The following MRAP2 variants were observed in gnomAD, a reference collection of about 807,000 sequenced individuals.
MRAP2 encodes the protein melanocortin 2 receptor accessory protein 2.
MRAP2 carries 20 observed loss-of-function variants against 17.4 expected under a neutral mutation model. The ratio of observed to expected loss-of-function variants is 1.15; its 90% confidence interval spans 0.81 to 1.67. The LOEUF is 1.67. Among genes scored for constraint, MRAP2 ranks in the 40% most tolerant of loss-of-function variants. The pLI is 0.00. For synonymous variants in MRAP2, 96 were observed against 88.4 expected (o/e 1.09, Z -0.48); for missense variants, 238 against 240.0 (o/e 0.99, Z 0.05).
chr6:84,047,517 A>G (rs1158899357), intron 1 of MRAP2, among the ~76,000 whole-genome samples: 1 of 152,058 alleles, frequency 6.6e-6, no homozygotes, highest in Non-Finnish European at 1.5e-5. Context: ...TATAAACAAT[A>G]TTAGAACTTT....
intron 1 of MRAP2, among the ~76,000 whole-genome samples, chr6:84,039,948 A>AAG (rs1366965969): frequency 5.3e-5 from 8 of 152,152 alleles, no homozygotes; most frequent in Non-Finnish European, 1.0e-4. Context: ...TGGGGAAAAA[A>AAG]AGAAACGAGA....
At chr6:84,065,987 A>G (rs577710521) in intron 3 of MRAP2, among the ~76,000 whole-genome samples, 210 of 150,344 alleles carry the variant, frequency 1.4e-3, no homozygotes, top group African/African-American at 4.9e-3. Flanking sequence ...TCCTTAAAAT[A>G]AAACTCTCTC....
intron 3 of MRAP2, among the ~76,000 whole-genome samples, chr6:84,073,192 C>G (rs1366910435): frequency 1.3e-5 from 2 of 152,206 alleles, no homozygotes; most frequent in African/African-American, 4.8e-5. Flanking sequence ...GCCGCCCTGC[C>G]TATATATTCC....
intron 1 of MRAP2, among the ~76,000 whole-genome samples, chr6:84,034,810 A>G (rs2099485551): frequency 6.6e-6 from 1 of 152,126 alleles, no homozygotes; most frequent in Non-Finnish European, 1.5e-5. Flanking sequence ...GTTTGCAGGT[A>G]GAGAAAATTA....
At chr6:84,121,409 C>T in the MRAP2 span, among the ~76,000 whole-genome samples, 5 of 152,030 alleles carry the variant, frequency 3.3e-5, no homozygotes, top group Non-Finnish European at 7.4e-5. Context: ...TTTGGGAGGC[C>T]GAGGTGGGCA....
At position 84,062,924 on chromosome 6, in the gene MRAP2, T is replaced by A. The variant is rs1370239326; in HGVS notation, c.159T>A (p.Leu53=). The change falls in exon 3 of 4, where the codon CTT becomes CTA. Residue 53 remains leucine, a synonymous_variant. Coordinates refer to ENST00000257776, the MANE Select transcript of MRAP2 (RefSeq NM_138409.4). ...TTGTGATTGGATTTTGGGTTGGTCT[T>A]GCAGTCTTCGTGATTTTTATGTTTT... ...YSIVIGFWVG[L]AVFVIFMFFV... The A allele has an allele frequency of 6.2e-7, 1 of 1,614,228 alleles. No homozygotes were observed.
At chr6:84,076,417 T>C (rs1032968249) in intron 3 of MRAP2, among the ~76,000 whole-genome samples, 1 of 151,728 alleles carries the variant, frequency 6.6e-6, no homozygotes, top group Non-Finnish European at 1.5e-5. Flanking sequence ...AGAGATGGGG[T>C]TTCTCCATGT....
At chr6:84,109,466 C>T in the MRAP2 span, among the ~76,000 whole-genome samples, 71 of 152,024 alleles carry the variant, frequency 4.7e-4, no homozygotes, top group African/African-American at 1.7e-3. Context: ...GTTTAGCTCT[C>T]TCGGTTTGCC....
the MRAP2 span, among the ~76,000 whole-genome samples, chr6:84,123,748 G>A: frequency 6.6e-6 from 1 of 152,042 alleles, no homozygotes; most frequent in African/African-American, 2.4e-5. Context: ...AAAATTAAAG[G>A]CTTCTGCACA....
the MRAP2 span, among the ~76,000 whole-genome samples, chr6:84,113,408 C>G: frequency 6.6e-6 from 1 of 152,002 alleles, no homozygotes; most frequent in Non-Finnish European, 1.5e-5. Context: ...GGATTGCAAC[C>G]CCTGCTTATT....
chr6:84,116,129 G>C, the MRAP2 span, among the ~76,000 whole-genome samples: 1 of 152,076 alleles, frequency 6.6e-6, no homozygotes, highest in Non-Finnish European at 1.5e-5. Flanking sequence ...TCTTTCTCTT[G>C]CTGACTGCCC....
At chr6:84,048,198 G>A (rs1026210888) in intron 1 of MRAP2, among the ~76,000 whole-genome samples, 1 of 152,098 alleles carries the variant, frequency 6.6e-6, no homozygotes, top group Non-Finnish European at 1.5e-5. Context: ...CTGCTATACT[G>A]TCTTCCACAG....
Position 84,073,910 on chromosome 6 carries a change from A to G in MRAP2, c.227+10918A>G, listed in dbSNP as rs570990390. Among the ~76,000 whole-genome samples, 6 of 144,830 alleles carry G rather than the reference A, an allele frequency of 4.1e-5. No homozygotes were observed. The South Asian group carries it at 1.3e-3, about 31-fold the overall frequency. On this transcript the variant is annotated intron_variant, in intron 3 of 3. Coordinates refer to ENST00000257776, the MANE Select transcript of MRAP2 (RefSeq NM_138409.4). ...TGTGTTTTTTTTTTTTTTTCTCATCAGCTATCATTAGTGTTAGTGTATTTT... is the reference window on the plus strand; with the variant it reads ...TGTGTTTTTTTTTTTTTTTCTCATCGGCTATCATTAGTGTTAGTGTATTTT...
Position 84,033,799 on chromosome 6 carries a change from C to G in MRAP2, c.-92C>G. On this transcript the variant is annotated 5_prime_UTR_variant, in exon 1 of 4. Transcript: ENST00000257776. ...TCGCCCGGCCCTGGGCGGTGGGAGGCGGCGGCGGCGGCGGCGCTCGCGCAC... is the reference window on the plus strand; with the variant it reads ...TCGCCCGGCCCTGGGCGGTGGGAGGGGGCGGCGGCGGCGGCGCTCGCGCAC... 1 of 978,650 alleles carries G rather than the reference C, an allele frequency of 1.0e-6. No homozygotes were observed. Among genetic ancestry groups the G allele is most frequent in the Non-Finnish European group, 1.2e-6 (1 of 829,758 alleles). 60.6% of individuals were successfully genotyped at this position (978,650 alleles called of 1,614,324 possible).
chr6:84,042,435 A>T (rs2099487837), intron 1 of MRAP2, among the ~76,000 whole-genome samples: 1 of 152,182 alleles, frequency 6.6e-6, no homozygotes, highest in African/African-American at 2.4e-5. Flanking sequence ...AGGAGCAAAC[A>T]TTTATTTGGT....
chr6:84,068,849 A>G, intron 3 of MRAP2, among the ~76,000 whole-genome samples: 1 of 81,116 alleles, frequency 1.2e-5, no homozygotes, highest in East Asian at 3.6e-4. Flanking sequence ...TTTGTATTTT[A>G]GTAGAGATGG....
chr6:84,058,927 G>C (rs908105217), intron 2 of MRAP2, among the ~76,000 whole-genome samples: 1 of 152,168 alleles, frequency 6.6e-6, no homozygotes, highest in African/African-American at 2.4e-5. Context: ...AATGCTGGGG[G>C]TAAAAGGTTG....
chr6:84,136,853 A>G, the MRAP2 span, among the ~76,000 whole-genome samples: 73 of 152,340 alleles, frequency 4.8e-4, no homozygotes, highest in Non-Finnish European at 9.1e-4. Flanking sequence ...CTTGGGTTCA[A>G]TCACTTTTCT....
At chr6:84,096,476 T>C in the MRAP2 span, among the ~76,000 whole-genome samples, 1 of 152,216 alleles carries the variant, frequency 6.6e-6, no homozygotes, top group Non-Finnish European at 1.5e-5. Flanking sequence ...CCCTATGACC[T>C]ACCAGTGTGA....
Sources: gnomAD v4.1 joint callset for allele counts (sites outside exome capture counted in the v4.1 genomes callset) on GRCh38, gnomAD v4.1.1 for gene constraint, MANE v1.5 for transcripts, NCBI Gene and HGNC (gene_info 2026-07-23, HGNC 2026-07-21) for gene names.